Variants in LGSN observed in about 807,000 individuals in gnomAD.
LGSN encodes lengsin, lens protein with glutamine synthetase domain.
In LGSN, 21 loss-of-function variants were observed where a neutral mutation model predicts 19.5. The ratio of observed to expected loss-of-function variants is 1.07; its 90% CI spans 0.76 to 1.55. LGSN has a LOEUF of 1.55. LGSN is among the 40% of genes most tolerant of loss of function. The pLI, the probability that LGSN is intolerant of heterozygous loss-of-function variation, is 0.00. For synonymous variants in LGSN, 257 were observed against 215.6 expected, an observed-to-expected ratio of 1.19 and a Z score of -1.68; for missense variants, 673 against 608.5, an observed-to-expected ratio of 1.11 and a Z score of -1.12.
the LGSN span, among the ~76,000 whole-genome samples, chr6:63,412,503 AAAG>A: frequency 1.2e-4 from 13 of 111,202 alleles, no homozygotes; most frequent in African/African-American, 5.2e-4. Context: ...AGAAAGAAAG[AAAG>A]AAAGAAAGAA....
chr6:63,548,910 G>C, the LGSN span: 1 of 885,550 alleles, frequency 1.1e-6, no homozygotes, highest in Non-Finnish European at 1.9e-6. Flanking sequence ...GGCGACAGTG[G>C]TGCAGGTCTT....
At chr6:63,535,411 T>C in the LGSN span, among the ~76,000 whole-genome samples, 7 of 152,088 alleles carry the variant, frequency 4.6e-5, no homozygotes, top group African/African-American at 1.7e-4. Flanking sequence ...GAGGTTGCAG[T>C]GACCCGAGAT....
At chr6:63,461,454 C>T in the LGSN span, among the ~76,000 whole-genome samples, 2 of 152,214 alleles carry the variant, frequency 1.3e-5, no homozygotes, top group African/African-American at 4.8e-5. Context: ...TAATTTCTCC[C>T]TCAAATACTG....
chr6:63,505,609 G>GAAATAAAT, the LGSN span, among the ~76,000 whole-genome samples: 273 of 109,028 alleles, frequency 2.5e-3, 22 homozygotes, highest in East Asian at 6.1e-3. Context: ...AAGAAAGAAA[G>GAAATAAAT]AAAGAAAGAA....
chr6:63,433,360 A>G, the LGSN span, among the ~76,000 whole-genome samples: 1 of 152,236 alleles, frequency 6.6e-6, no homozygotes, highest in African/African-American at 2.4e-5. Context: ...AATTACTTCT[A>G]TTTTTCTTCT....
chr6:63,396,232 TG>T, the LGSN span: 2 of 161,932 alleles, frequency 1.2e-5, no homozygotes, highest in African/African-American at 4.8e-5. Context: ...GCAAGTTGGA[TG>T]GACCATTAGG....
At chr6:63,473,048 T>A in the LGSN span, among the ~76,000 whole-genome samples, 1 of 151,784 alleles carries the variant, frequency 6.6e-6, no homozygotes. Context: ...TAGGATGGGG[T>A]GAAAAATAAG....
the LGSN span, among the ~76,000 whole-genome samples, chr6:63,440,409 G>A: frequency 6.6e-6 from 1 of 152,148 alleles, no homozygotes; most frequent in South Asian, 2.1e-4. Flanking sequence ...TCACTTTGCT[G>A]AGAATTCCTC....
the LGSN span, among the ~76,000 whole-genome samples, chr6:63,364,924 A>G: frequency 6.6e-6 from 1 of 152,202 alleles, no homozygotes; most frequent in Non-Finnish European, 1.5e-5. Context: ...TATCTGGGAC[A>G]CATTCAAAGC....
chr6:63,470,326 T>C, the LGSN span, among the ~76,000 whole-genome samples: 2 of 151,628 alleles, frequency 1.3e-5, no homozygotes, highest in African/African-American at 2.4e-5. Flanking sequence ...ATACAAAAAT[T>C]AGCTTGGCAT....
the LGSN span, among the ~76,000 whole-genome samples, chr6:63,377,766 T>C: frequency 6.6e-6 from 1 of 150,564 alleles, no homozygotes; most frequent in African/African-American, 2.4e-5. Flanking sequence ...TACAAAAAAT[T>C]ATCAGGGCGT....
the LGSN span, among the ~76,000 whole-genome samples, chr6:63,450,709 G>C: frequency 6.6e-6 from 1 of 150,884 alleles, no homozygotes; most frequent in East Asian, 1.9e-4. Flanking sequence ...GTCTTGCTCT[G>C]TGGCCCAGAC....
the LGSN span, among the ~76,000 whole-genome samples, chr6:63,454,609 T>C: frequency 1.3e-5 from 2 of 150,858 alleles, no homozygotes; most frequent in Admixed American, 6.6e-5. Context: ...GTAGCTGAGA[T>C]TACAGGCGCC....
the LGSN span, among the ~76,000 whole-genome samples, chr6:63,553,374 A>C: frequency 6.6e-6 from 1 of 152,308 alleles, no homozygotes; most frequent in East Asian, 1.9e-4. Context: ...ATTTTCACAC[A>C]CAATTTTGGT....
At chr6:63,538,842 ATGATACTAGG>A in the LGSN span, among the ~76,000 whole-genome samples, 1 of 152,150 alleles carries the variant, frequency 6.6e-6, no homozygotes, top group Non-Finnish European at 1.5e-5. Context: ...GGTGATGCTG[ATGATACTAGG>A]TGTGGGAACC....
At chr6:63,477,707 T>C in the LGSN span, among the ~76,000 whole-genome samples, 8 of 130,600 alleles carry the variant, frequency 6.1e-5, no homozygotes, top group African/African-American at 2.2e-4. Flanking sequence ...TTTTTTTTTT[T>C]TTTTTTTGTA....
At chr6:63,334,105 A>G in the LGSN span, among the ~76,000 whole-genome samples, 5 of 152,246 alleles carry the variant, frequency 3.3e-5, no homozygotes, top group Non-Finnish European at 7.3e-5. Flanking sequence ...TCAACATAGT[A>G]CTAGAAGTCC....
At chr6:63,443,660 C>A in the LGSN span, 8 of 718,572 alleles carry the variant, frequency 1.1e-5, no homozygotes, top group African/African-American at 3.8e-5. Context: ...GACACAAACT[C>A]TTTTTAGCAT....
the LGSN span, among the ~76,000 whole-genome samples, chr6:63,361,938 T>A: frequency 2.6e-5 from 4 of 152,354 alleles, no homozygotes; most frequent in South Asian, 8.3e-4. Flanking sequence ...ATTTTGCAGG[T>A]ATTGTATGTC....
Sources: gnomAD v4.1 joint callset for allele counts (sites outside exome capture counted in the v4.1 genomes callset) on GRCh38, gnomAD v4.1.1 for gene constraint, MANE v1.5 for transcripts, NCBI Gene and HGNC (gene_info 2026-07-23, HGNC 2026-07-21) for gene names.